FBRSL1: variants seen among roughly 807,000 people sequenced by gnomAD.
FBRSL1 encodes the protein fibrosin like 1, also known as fibrosin-1-like protein.
In FBRSL1, 51 loss-of-function variants were observed where a neutral mutation model predicts 89.6. That is an observed-to-expected ratio of 0.57 (90% CI 0.45 to 0.72). The LOEUF is 0.72. Ranked by LOEUF, FBRSL1 falls within the 30% of genes least tolerant of loss-of-function variation. The pLI is 0.00. For synonymous variants in FBRSL1, 779 were observed against 681.1 expected (o/e 1.14, Z -2.24); for missense variants, 1,618 against 1,451.8 (o/e 1.11, Z -1.86).
intron 15 of FBRSL1, among the ~76,000 whole-genome samples, chr12:132,578,967 C>G (rs552324324): frequency 2.0e-5 from 3 of 152,370 alleles, no homozygotes; most frequent in Admixed American, 1.3e-4. Context: ...CATCCTGGCT[C>G]AAGCCCCCCG....
chr12:132,528,143 A>G (rs986010428), intron 4 of FBRSL1, among the ~76,000 whole-genome samples, 155 bp downstream of exon 4: 1 of 151,784 alleles, frequency 6.6e-6, no homozygotes, highest in African/African-American at 2.4e-5. Context: ...CTCAAACACC[A>G]TGGGGTTGGT....
rs1247440924 is a variant in FBRSL1 at position 132,574,343 on chromosome 12, G to A, written c.1624G>A (p.Val542Ile). The change falls in exon 13 of 19, where the codon GTC (valine) becomes ATC (isoleucine). Residue 542 changes from valine (V) to isoleucine (I), a missense_variant. Transcript: ENST00000680143. ...PGVSDPYRAV[V>I]KKPGRWCAVH... ...GGTGTCTGACCCGTACCGGGCGGTG[G>A]TCAAGGTGAGCACGTGTTGGGAAGG... The A allele has an allele frequency of 6.5e-7, 1 of 1,549,516 alleles. No individual in the cohort carries two copies. Among genetic ancestry groups the A allele is most frequent in the African/African-American group, 1.4e-5 (1 of 73,032 alleles).
chr12:132,498,704 C>G lies in FBRSL1; in HGVS notation c.291+7843C>G, dbSNP rs146834018. 3.9e-5 allele frequency among the ~76,000 whole-genome samples: 6 copies of G among 152,346 alleles called. No individual in the cohort carries two copies. In the East Asian group the frequency reaches 7.7e-4, roughly 20 times the overall value. Reference sequence around the variant, plus strand: ...CCATCCTGGTCAGCAGGCGGCCCTGCGTGGGCCTTGCAGAGCTGGGTGGGG... The same window carrying G: ...CCATCCTGGTCAGCAGGCGGCCCTGGGTGGGCCTTGCAGAGCTGGGTGGGG... On this transcript the variant is annotated intron_variant, in intron 1 of 18. Coordinates refer to ENST00000680143, the MANE Select transcript of FBRSL1 (RefSeq NM_001367871.1).
chr12:132,543,830 C>G (rs914403796), intron 4 of FBRSL1, among the ~76,000 whole-genome samples: 1 of 152,204 alleles, frequency 6.6e-6, no homozygotes, highest in African/African-American at 2.4e-5. Context: ...CCTGTGCTTC[C>G]GAGCCCCACT....
rs542840601 is a variant in FBRSL1 at position 132,576,643 on chromosome 12, G to A, written c.1702-156G>A. ...TTTGCTGATCATGTGTAACATTTCC[G>A]TCATCCTGAGTAGAGAATACACCCT... On this transcript the variant is annotated intron_variant, in intron 14 of 18. Transcript: ENST00000680143. Among the ~76,000 whole-genome samples the A allele has an allele frequency of 2.6e-4, 40 of 152,282 alleles. No homozygotes were observed. The East Asian group carries it at 4.8e-3, about 18-fold the overall frequency.
In FBRSL1 at chr12:132,574,577, G is replaced by A. The variant is rs1163584060; in HGVS notation, c.1701+13G>A. 1.9e-6 allele frequency: 3 copies of A among 1,548,040 alleles called. No homozygotes were observed. The East Asian group carries it at 7.3e-5, about 38-fold the overall frequency. On this transcript the variant is annotated intron_variant, in intron 14 of 18. Transcript: ENST00000680143. Reference sequence around the variant, plus strand: ...GCAGAAGATAAAGGTGAGACCACCTGGGCTGGGGCAGGGCGCTTGTGAACC... The same window carrying A: ...GCAGAAGATAAAGGTGAGACCACCTAGGCTGGGGCAGGGCGCTTGTGAACC...
At position 132,490,228 on chromosome 12, in the gene FBRSL1, C is replaced by T. The variant is rs1179622802; in HGVS notation, c.-343C>T. ...AGGAGCCCGGCCGCCTCCCGCCTGC[C>T]GCCTGCCGCGCCCGCCCGGCCCCGC... On this transcript the variant is annotated 5_prime_UTR_variant, in exon 1 of 19. Transcript: ENST00000680143. 1 of 145,334 alleles carries T rather than the reference C, an allele frequency of 6.9e-6. No individual in the cohort carries two copies. The highest frequency in any genetic ancestry group is 1.5e-5 in the Non-Finnish European group (1 of 65,342). 9.0% of individuals were successfully genotyped at this position (145,334 alleles called of 1,614,324 possible). A position where few individuals can be genotyped will look rare whatever the true frequency, so the allele number is the denominator to read the frequency against.
At chr12:132,551,647 G>A (rs1348157807) in intron 5 of FBRSL1, 5 of 452,416 alleles carry the variant, frequency 1.1e-5, no homozygotes, top group Admixed American at 9.4e-5. Context: ...GAGACTTTGG[G>A]ACAGCCCTCC....
At chr12:132,552,494 G>C (rs932072071) in intron 5 of FBRSL1, 1 of 157,336 alleles carries the variant, frequency 6.4e-6, no homozygotes, top group Non-Finnish European at 1.4e-5. Flanking sequence ...ATGGACAGAA[G>C]GGCGGATGGA....
chr12:132,583,406 G>C lies in FBRSL1; in HGVS notation c.2637G>C (p.Glu879Asp). The C allele has an allele frequency of 9.3e-7, 1 of 1,076,618 alleles. No individual in the cohort carries two copies. The highest frequency in any genetic ancestry group is 1.1e-6 in the Non-Finnish European group (1 of 888,764). 66.7% of individuals were successfully genotyped at this position (1,076,618 alleles called of 1,614,324 possible). Residue 879 changes from glutamate to aspartate, a missense_variant, in exon 19 of 19, where the codon GAG becomes GAC. Physicochemically the swap from Glu to Asp is conservative, Grantham distance 45. Coordinates refer to ENST00000680143, the MANE Select transcript of FBRSL1 (RefSeq NM_001367871.1). ...APAPGSAALL[E>D]PPERPYRDRE... is the part of the protein sequence containing the mutation. ...CCCCGGGCTCCGCCGCCCTCTTGGA[G>C]CCCCCGGAGCGCCCCTACCGCGACC...
chr12:132,508,398 C>T (rs558830023), intron 2 of FBRSL1, 48 bp downstream of exon 2: 26 of 1,388,702 alleles, frequency 1.9e-5, no homozygotes, highest in Admixed American at 5.4e-5. Flanking sequence ...GGTCAGTGCT[C>T]ACCGCCCCAG....
chr12:132,501,998 C>T (rs142939119), intron 1 of FBRSL1, among the ~76,000 whole-genome samples: 2 of 152,224 alleles, frequency 1.3e-5, no homozygotes, highest in African/African-American at 4.8e-5. Context: ...TCCTTTTATT[C>T]TTTTCGTTAT....
At chr12:132,510,691 C>T in intron 2 of FBRSL1, 1 of 1,225,586 alleles carries the variant, frequency 8.2e-7, no homozygotes, top group Non-Finnish European at 1.0e-6. Context: ...GAGAGATGAA[C>T]CCGCGTCTGC....
chr12:132,570,897 C>T (rs1218158160), intron 8 of FBRSL1, among the ~76,000 whole-genome samples, 171 bp from the exon 9 acceptor site: 3 of 152,182 alleles, frequency 2.0e-5, no homozygotes, highest in Admixed American at 1.3e-4. Flanking sequence ...AGTGGAACCC[C>T]GACCGCGAAG....
chr12:132,581,585 G>C, intron 16 of FBRSL1, 69 bp downstream of exon 16: 1 of 1,530,910 alleles, frequency 6.5e-7, no homozygotes, highest in South Asian at 1.2e-5. Context: ...GGGGGAATTA[G>C]GTGGGCGGGA....
chr12:132,549,521 C>T (rs1319962637), intron 5 of FBRSL1, among the ~76,000 whole-genome samples: 1 of 152,204 alleles, frequency 6.6e-6, no homozygotes, highest in Admixed American at 6.5e-5. Flanking sequence ...CTCCCCACCT[C>T]CTTTCATTTA....
intron 2 of FBRSL1, among the ~76,000 whole-genome samples, chr12:132,522,995 A>G (rs558238572): frequency 6.6e-6 from 1 of 152,324 alleles, no homozygotes; most frequent in East Asian, 1.9e-4. Context: ...TCAGGGCTCC[A>G]TAAGCATCGG....
intron 1 of FBRSL1, 90 bp from the exon 2 acceptor site, chr12:132,508,063 C>G (rs970913960): frequency 3.3e-5 from 45 of 1,380,926 alleles, no homozygotes; most frequent in Non-Finnish European, 4.3e-5. Flanking sequence ...TGGGGAGGCT[C>G]CTTCCCAAGA....
rs1173992289 is a variant in FBRSL1 at position 132,583,554 on chromosome 12, C to A, written c.2785C>A (p.His929Asn). The change falls in exon 19 of 19, where the codon CAC becomes AAC. Residue 929 changes from histidine to asparagine, a missense_variant. Transcript: ENST00000680143. ...GCTGCTGCCCTCGCTGGGAGCCCTG[C>A]ACTTCCCGCGCCTCTCGCCCGCCGC... ...GALLPSLGALHFPRLSPAALH... is the reference protein window; with the variant it reads ...GALLPSLGALNFPRLSPAALH... 9.6e-7 allele frequency: 1 copy of A among 1,041,348 alleles called. No individual in the cohort carries two copies. Among genetic ancestry groups the A allele is most frequent in the South Asian group, 3.0e-5 (1 of 33,586 alleles). 64.5% of individuals were successfully genotyped at this position (1,041,348 alleles called of 1,614,324 possible).
Sources: gnomAD v4.1 joint callset for allele counts (sites outside exome capture counted in the v4.1 genomes callset) on GRCh38, gnomAD v4.1.1 for gene constraint, MANE v1.5 for transcripts, NCBI Gene and HGNC (gene_info 2026-07-23, HGNC 2026-07-21) for gene names.